Variants in PTPRC observed in about 807,000 individuals in gnomAD.
The protein encoded by PTPRC is receptor-type tyrosine-protein phosphatase C.
Under a neutral mutation model 155.9 loss-of-function variants are expected in PTPRC, and 44 were observed. The observed-to-expected ratio is 0.28, with a 90% CI of 0.22 to 0.36. The LOEUF is 0.36. Ranked by LOEUF, PTPRC falls within the 10% of genes least tolerant of loss-of-function variation. The pLI, the probability that PTPRC is intolerant of heterozygous loss-of-function variation, is 1.00. For synonymous variants in PTPRC, 525 were observed against 533.1 expected (o/e 0.98, Z 0.21); for missense variants, 1,401 against 1,564.6 (o/e 0.90, Z 1.76).
chr1:198,735,157 G>A lies in PTPRC; in HGVS notation c.2308G>A (p.Glu770Lys), dbSNP rs1654571972. The change falls in exon 23 of 33, where the codon GAA becomes AAA. Residue 770 changes from glutamate to lysine, a missense_variant. Coordinates refer to ENST00000442510, the MANE Select transcript of PTPRC (RefSeq NM_002838.5). ...GTGTGCAGAATACTGGCCGTCAATG[G>A]AAGAGGGCACTCGGGCTTTTGGAGA... ...NKCAEYWPSM[E>K]EGTRAFGDVV... 1.2e-6 allele frequency: 2 copies of A among 1,603,760 alleles called. No individual in the cohort carries two copies. The highest frequency in any genetic ancestry group is 8.5e-7 in the Non-Finnish European group (1 of 1,173,838).
chr1:198,702,242 G>A, intron 5 of PTPRC, 145 bp from the exon 6 acceptor site: 1 of 1,027,566 alleles, frequency 9.7e-7, no homozygotes, highest in Non-Finnish European at 1.5e-6. Context: ...CAGTTCTGTA[G>A]AATGCATGTG....
chr1:198,745,684 G>C (rs913865533), intron 26 of PTPRC, among the ~76,000 whole-genome samples: 6 of 151,764 alleles, frequency 4.0e-5, no homozygotes, highest in African/African-American at 9.7e-5. Context: ...GAGCTCTTTG[G>C]GGGTAGAGGC....
chr1:198,683,423 C>A (rs1201688922), intron 2 of PTPRC, among the ~76,000 whole-genome samples: 1 of 151,986 alleles, frequency 6.6e-6, no homozygotes, highest in African/African-American at 2.4e-5. Context: ...ATGGTTTTTG[C>A]TATCTGAAGT....
intron 2 of PTPRC, among the ~76,000 whole-genome samples, chr1:198,685,438 A>T (rs16843692): frequency 1.3e-5 from 2 of 152,048 alleles, no homozygotes; most frequent in African/African-American, 4.8e-5. Context: ...ACATTTCAGT[A>T]AACTGTTGCC....
At chr1:198,700,245 C>G (rs1437781203) in intron 5 of PTPRC, 1 of 158,364 alleles carries the variant, frequency 6.3e-6, no homozygotes, top group Non-Finnish European at 1.4e-5. Flanking sequence ...TATTTCCTCC[C>G]TTTTCTTTTC....
At chr1:198,739,544 A>G (rs1444239788) in intron 23 of PTPRC, among the ~76,000 whole-genome samples, 2 of 151,882 alleles carry the variant, frequency 1.3e-5, no homozygotes, top group African/African-American at 4.8e-5. Flanking sequence ...TTGTAAATAT[A>G]TATGCAACTA....
intron 11 of PTPRC, among the ~76,000 whole-genome samples, chr1:198,710,677 T>C (rs2102421780): frequency 2.0e-5 from 3 of 152,380 alleles, no homozygotes; most frequent in Admixed American, 2.0e-4. Flanking sequence ...CTAGTTTAAG[T>C]TTATTCCTGG....
intron 2 of PTPRC, among the ~76,000 whole-genome samples, chr1:198,654,602 C>A (rs1663441752): frequency 6.6e-6 from 1 of 151,640 alleles, no homozygotes; most frequent in Admixed American, 6.6e-5. Context: ...TATTTAACAA[C>A]CAAATTTGGC....
At chr1:198,648,065 T>A (rs1663030776) in intron 2 of PTPRC, among the ~76,000 whole-genome samples, 1 of 151,886 alleles carries the variant, frequency 6.6e-6, no homozygotes, top group Admixed American at 6.6e-5. Context: ...CTTACAAGAC[T>A]TCCTCCAGGT....
At chr1:198,640,172 G>A (rs925130847) in intron 2 of PTPRC, among the ~76,000 whole-genome samples, 2 of 151,682 alleles carry the variant, frequency 1.3e-5, no homozygotes, top group African/African-American at 4.8e-5. Context: ...GTTCTTGAGC[G>A]GCGTCAATAT....
At chr1:198,734,608 AAT>A (rs1654542349) in intron 22 of PTPRC, among the ~76,000 whole-genome samples, 183 bp downstream of exon 22, 1 of 151,774 alleles carries the variant, frequency 6.6e-6, no homozygotes. Flanking sequence ...TTAACATACA[AAT>A]ATATGTCTAT....
At chr1:198,670,365 T>A (rs1664574489) in intron 2 of PTPRC, among the ~76,000 whole-genome samples, 2 of 152,266 alleles carry the variant, frequency 1.3e-5, no homozygotes, top group Middle Eastern at 3.4e-3. Flanking sequence ...TGTGATTAGT[T>A]CTGATTTTAA....
At chr1:198,731,798 G>A in intron 18 of PTPRC, 72 bp downstream of exon 18, 1 of 1,194,610 alleles carries the variant, frequency 8.4e-7, no homozygotes, top group Non-Finnish European at 1.2e-6. Context: ...TATTTATATT[G>A]CCATTTGCCT....
chr1:198,681,597 ATT>A (rs1348933968), intron 2 of PTPRC, among the ~76,000 whole-genome samples: 1 of 152,150 alleles, frequency 6.6e-6, no homozygotes, highest in Non-Finnish European at 1.5e-5. Flanking sequence ...ACAAATAAAC[ATT>A]TTGTCTTACT....
chr1:198,754,153 G>A, intron 31 of PTPRC, 116 bp from the exon 32 acceptor site: 2 of 1,272,810 alleles, frequency 1.6e-6, no homozygotes, highest in Non-Finnish European at 2.2e-6. Flanking sequence ...GTTGGAATAA[G>A]ATAATTATGA....
chr1:198,718,425 TCA>T (rs1448527334), intron 14 of PTPRC, 123 bp downstream of exon 14: 3 of 868,514 alleles, frequency 3.5e-6, no homozygotes, highest in Non-Finnish European at 5.5e-6. Flanking sequence ...TGTAATGGAA[TCA>T]CACTTAAAGA....
rs1217861244 is a variant in PTPRC at position 198,699,659 on chromosome 1, G to T, written c.394G>T (p.Ala132Ser). The T allele has an allele frequency of 6.2e-7, 1 of 1,614,162 alleles. No homozygotes were observed. Among genetic ancestry groups the T allele is most frequent in the Admixed American group, 1.7e-5 (1 of 60,024 alleles). The change falls in exon 5 of 33, where the codon GCC (alanine) becomes TCC (serine). Residue 132 changes from alanine (A) to serine (S), a missense_variant. By Grantham distance (99) the Ala-to-Ser change is moderately conservative. Coordinates refer to ENST00000442510, the MANE Select transcript of PTPRC (RefSeq NM_002838.5). Reference sequence around the variant, plus strand: ...CACGCAGACATTCAGCGGCTCCGCCGCCAATGCAAAACTCAACCCTACCCC... The same window carrying T: ...CACGCAGACATTCAGCGGCTCCGCCTCCAATGCAAAACTCAACCCTACCCC... ...TDTQTFSGSA[A>S]NAKLNPTPGS... is the part of the protein sequence containing the mutation.
intron 9 of PTPRC, 50 bp from the exon 10 acceptor site, chr1:198,708,083 A>T (rs903859352): frequency 2.6e-6 from 4 of 1,526,342 alleles, no homozygotes; most frequent in Non-Finnish European, 3.6e-6. Context: ...AGGGCTTAGG[A>T]TACACATTAT....
chr1:198,744,030 CT>C (rs771005773), intron 25 of PTPRC, 23 bp from the exon 26 acceptor site: 2 of 1,574,210 alleles, frequency 1.3e-6, no homozygotes, highest in South Asian at 2.2e-5. Context: ...AGTTAACTAT[CT>C]GTATTTGTTC....
Sources: gnomAD v4.1 joint callset for allele counts (sites outside exome capture counted in the v4.1 genomes callset) on GRCh38, gnomAD v4.1.1 for gene constraint, MANE v1.5 for transcripts, NCBI Gene and HGNC (gene_info 2026-07-23, HGNC 2026-07-21) for gene names.